MCAM: variants seen among roughly 807,000 people sequenced by gnomAD.
MCAM encodes the protein melanoma cell adhesion molecule, also known as cell surface glycoprotein MUC18.
MCAM carries 55 observed loss-of-function variants against 79.1 expected under a neutral mutation model. That is an observed-to-expected ratio of 0.70 (90% CI 0.56 to 0.87). The LOEUF (loss-of-function observed/expected upper bound fraction) is 0.87. Among genes scored for constraint, MCAM ranks in the 40% least tolerant of loss-of-function variants. The pLI, the probability that MCAM is intolerant of heterozygous loss-of-function variation, is 0.00. For missense variants in MCAM, 745 were observed against 839.8 expected, an observed-to-expected ratio of 0.89 and a Z score of 1.40; for synonymous variants, 330 against 339.8, an observed-to-expected ratio of 0.97 and a Z score of 0.32.
rs771303443 is a variant in MCAM, at chr11:119,311,649, G to A, written c.1288C>T (p.Pro430Ser). The change falls in exon 11 of 16, where the codon CCC (proline) becomes TCC (serine). Residue 430 changes from proline to serine, a missense_variant and splice_region_variant. Pro to Ser is a moderately conservative substitution (Grantham distance 74). Coordinates refer to ENST00000264036, the MANE Select transcript of MCAM (RefSeq NM_006500.3). The surrounding 1 kb of genome is among the most constrained non-coding windows in gnomAD (Gnocchi z 4.4). ...CTCTCCTTGAATGCCATCCAAGGGG[G>A]GCCTTGGGGAGGTAGGGAGAGGTGA... ...TQLVNVAIFGPPWMAFKERKV... is the reference protein window; with the variant it reads ...TQLVNVAIFGSPWMAFKERKV... The A allele has an allele frequency of 2.5e-6, 4 of 1,613,868 alleles. No homozygotes were observed. Among genetic ancestry groups the A allele is most frequent in the Non-Finnish European group, 3.4e-6 (4 of 1,179,970 alleles).
rs1950253845 is a variant in MCAM at position 119,312,768 on chromosome 11, A to T, written c.739+2T>A. On this transcript the variant is annotated splice_donor_variant, in intron 6 of 15. Transcript: ENST00000264036. LOFTEE classifies it high-confidence loss of function. The surrounding 1 kb of genome is among the most constrained non-coding windows in gnomAD (Gnocchi z 4.9). The stretch of plus-strand genomic sequence containing the variant: ...TAAGCAGAGAGTCAGGTTAGTACTC[A>T]CAGAAAACAGGGACGGTGACTTCCC... The T allele has an allele frequency of 5.6e-6, 9 of 1,613,834 alleles. No individual in the cohort carries two copies. Among genetic ancestry groups the T allele is most frequent in the African/African-American group, 1.3e-5 (1 of 74,894 alleles).
rs1415577736 is a variant in MCAM at position 119,309,502 on chromosome 11, C to T, written c.*384G>A. ...AGTGGTGCACCTGGATGGTGGAAGC[C>T]AGCCTTTGGGGCAGGAAACCAGCTC... On this transcript the variant is annotated 3_prime_UTR_variant, in exon 16 of 16. Transcript: ENST00000264036. 4.0e-5 allele frequency: 11 copies of T among 272,628 alleles called. No homozygotes were observed. The Admixed American group carries it at 4.4e-4, about 11-fold the overall frequency. The allele number at this position is 272,628 out of a possible 1,614,324, so 16.9% of individuals were successfully genotyped here. A position where few individuals can be genotyped will look rare whatever the true frequency, so the allele number is the denominator to read the frequency against.
Position 119,310,912 on chromosome 11 carries a change from CAA to C in MCAM, c.1646-11_1646-10del, listed in dbSNP as rs752501547. 1.5e-5 allele frequency: 24 copies of C among 1,614,178 alleles called. No homozygotes were observed. In the Admixed American group the frequency reaches 1.8e-4, roughly 12 times the overall value. ...CTCCGGCAGCTTTCTCTCTGCGCCA[CAA>C]AGACACTCCTCGTCACTCCCTGCCC... On this transcript the variant is annotated splice_polypyrimidine_tract_variant and intron_variant, in intron 13 of 15. Transcript: ENST00000264036.
rs1388800852 is a variant in MCAM at position 119,309,656 on chromosome 11, G to T, written c.*230C>A. 1.9e-5 allele frequency: 10 copies of T among 516,768 alleles called. No homozygotes were observed. The highest frequency in any genetic ancestry group is 3.3e-5 in the Non-Finnish European group (10 of 301,372). 32.0% of individuals were successfully genotyped at this position (516,768 alleles called of 1,614,324 possible). A position where few individuals can be genotyped will look rare whatever the true frequency, so the allele number is the denominator to read the frequency against. ...GAGACTGGGGCTCCTTGCTTGGGAT[G>T]AGCTTCACTCAACGTGGAGGAGATG... is the stretch of plus-strand genomic sequence containing the variant. On this transcript the variant is annotated 3_prime_UTR_variant, in exon 16 of 16. Coordinates refer to ENST00000264036, the MANE Select transcript of MCAM (RefSeq NM_006500.3).
rs553873505 is a variant in MCAM, at chr11:119,312,976, C to T, written c.560-27G>A. On this transcript the variant is annotated intron_variant, in intron 5 of 15. Transcript: ENST00000264036. The surrounding 1 kb of genome is among the most constrained non-coding windows in gnomAD (Gnocchi z 4.9). ...TGGGCAGGGAGGAAGGGGAGGAAGA[C>T]TCAGCCTCAGCCCCACCTCCAGCCC... 9.9e-6 allele frequency: 16 copies of T among 1,613,246 alleles called. No individual in the cohort carries two copies. The highest frequency in any genetic ancestry group is 1.2e-5 in the Non-Finnish European group (14 of 1,179,956).
Position 119,313,240 on chromosome 11 carries a change from C to CGACTACCT in MCAM, c.560-299_560-292dup, listed in dbSNP as rs983610403. 78 of 1,402,722 alleles carry CGACTACCT rather than the reference C, an allele frequency of 5.6e-5. No individual in the cohort carries two copies. The African/African-American group carries it at 1.0e-3, about 18-fold the overall frequency. The allele number at this position is 1,402,722 out of a possible 1,614,324, so 86.9% of individuals were successfully genotyped here. A position where few individuals can be genotyped will look rare whatever the true frequency, so the allele number is the denominator to read the frequency against. On this transcript the variant is annotated intron_variant, in intron 5 of 15. Transcript: ENST00000264036. ...TCCACTAAATGGGGAATGGTGAACT[C>CGACTACCT]GACTACCTGCTATGCGTAGTATGGA...
Position 119,315,209 on chromosome 11 carries a change from C to G in MCAM, c.122G>C (p.Gly41Ala), listed in dbSNP as rs1432214488. The part of the protein sequence containing the change: ...PAPELVEVEV[G>A]STALLKCGLS... ...GCCGCACTTCAGAAGGGCTGTGCTG[C>G]CCACTTCCACCTCCACCAGCTCAGG... The change falls in exon 2 of 16, where the codon GGC (glycine) becomes GCC (alanine). Residue 41 changes from glycine to alanine, a missense_variant. Physicochemically the swap from Gly to Ala is moderately conservative, Grantham distance 60. Transcript: ENST00000264036. This position sits in a 1 kb window ranked among gnomAD's most constrained non-coding sequence, Gnocchi z 4.4. 1 of 1,612,790 alleles carries G rather than the reference C, an allele frequency of 6.2e-7. No homozygotes were observed. Among genetic ancestry groups the G allele is most frequent in the Non-Finnish European group, 8.5e-7 (1 of 1,179,990 alleles).
Position 119,311,422 on chromosome 11 carries a change from C to T in MCAM, c.1408-1G>A, listed in dbSNP as rs1375739795. On this transcript the variant is annotated splice_acceptor_variant, in intron 11 of 15. Transcript: ENST00000264036. LOFTEE classifies it high-confidence loss of function. This position sits in a 1 kb window ranked among gnomAD's most constrained non-coding sequence, Gnocchi z 4.4. ...GTGGATCTTGGTCTTGTTCACTTGC[C>T]TGCGAGGAAAGGAAGGAGGCAGCTC... is the stretch of plus-strand genomic sequence containing the variant. 6.2e-7 allele frequency: 1 copy of T among 1,613,936 alleles called. No homozygotes were observed. Among genetic ancestry groups the T allele is most frequent in the Non-Finnish European group, 8.5e-7 (1 of 1,179,970 alleles).
chr11:119,312,644 C>A lies in MCAM; in HGVS notation c.744G>T (p.Pro248=). 6.2e-7 allele frequency: 1 copy of A among 1,614,146 alleles called. No homozygotes were observed. Among genetic ancestry groups the A allele is most frequent in the Non-Finnish European group, 8.5e-7 (1 of 1,180,028 alleles). ...CCACTTCCAGCCACACTTTTTCTGT[C>A]GGGTCTGCATAGGCAAAGGGGGTAG... is the stretch of plus-strand genomic sequence containing the variant. ...SREVTVPVFY[P]TEKVWLEVEP... Residue 248 remains proline (P), a synonymous_variant, in exon 7 of 16, where the codon CCG becomes CCT. Coordinates refer to ENST00000264036, the MANE Select transcript of MCAM (RefSeq NM_006500.3). The surrounding 1 kb of genome is among the most constrained non-coding windows in gnomAD (Gnocchi z 4.9).
rs374860225 is a variant in MCAM at position 119,312,301 on chromosome 11, G to C, written c.989C>G (p.Ser330Trp). ...CQGLDLDTMI[S>W]LLSEPQELLV... ...TAGTTCCTGTGGTTCACTCAGCAGC[G>C]ATATCATGGTGTCCAAGTCCAGGCC... Residue 330 changes from serine (S) to tryptophan (W), a missense_variant, in exon 8 of 16, where the codon TCG becomes TGG. Coordinates refer to ENST00000264036, the MANE Select transcript of MCAM (RefSeq NM_006500.3). This position sits in a 1 kb window ranked among gnomAD's most constrained non-coding sequence, Gnocchi z 4.9. 119 of 1,614,022 alleles carry C rather than the reference G, an allele frequency of 7.4e-5. 1 individual carries two copies. The highest frequency in any genetic ancestry group is 1.5e-4 in the Admixed American group (9 of 60,016).
chr11:119,311,264 G>T lies in MCAM; in HGVS notation c.1549+16C>A. ...GGGCCTGCCCCTGCCATCCCCTGCA[G>T]GGATGCAGCCCTCACCCAGCTCCAG... On this transcript the variant is annotated intron_variant, in intron 12 of 15. Transcript: ENST00000264036. This position sits in a 1 kb window ranked among gnomAD's most constrained non-coding sequence, Gnocchi z 4.4. The T allele has an allele frequency of 6.2e-7, 1 of 1,614,064 alleles. No individual in the cohort carries two copies. The highest frequency in any genetic ancestry group is 8.5e-7 in the Non-Finnish European group (1 of 1,179,912).
At position 119,311,987 on chromosome 11, in the gene MCAM, C is replaced by T. The variant is rs1443403262; in HGVS notation, c.1144-38G>A. On this transcript the variant is annotated intron_variant, in intron 9 of 15. Coordinates refer to ENST00000264036, the MANE Select transcript of MCAM (RefSeq NM_006500.3). This position sits in a 1 kb window ranked among gnomAD's most constrained non-coding sequence, Gnocchi z 4.4. Reference sequence around the variant, plus strand: ...ATGGGTCAGAGGGTCTGGGAAAGAGCACATTCTTGTCACCGCCAGCCCCAC... The same window carrying T: ...ATGGGTCAGAGGGTCTGGGAAAGAGTACATTCTTGTCACCGCCAGCCCCAC... 1.2e-6 allele frequency: 2 copies of T among 1,611,188 alleles called. No homozygotes were observed. Among genetic ancestry groups the T allele is most frequent in the Non-Finnish European group, 8.5e-7 (1 of 1,178,682 alleles).
At chr11:119,313,589 T>A in intron 5 of MCAM, 1 of 305,150 alleles carries the variant, frequency 3.3e-6, no homozygotes. Flanking sequence ...TCAGTAGAGA[T>A]GGGGTTTCTC....
chr11:119,313,048 C>T (rs1472624352), intron 5 of MCAM, 99 bp from the exon 6 acceptor site: 3 of 1,580,036 alleles, frequency 1.9e-6, no homozygotes, highest in East Asian at 2.3e-5. Flanking sequence ...ATCTAAATAG[C>T]CCCCTGTCCC....
At position 119,310,335 on chromosome 11, in the gene MCAM, G is replaced by A; in HGVS notation, c.1911+14C>T. 6.4e-7 allele frequency: 1 copy of A among 1,569,664 alleles called. No homozygotes were observed. Among genetic ancestry groups the A allele is most frequent in the Non-Finnish European group, 8.8e-7 (1 of 1,140,306 alleles). ...AGGATGTGGCAGGCTCTGGCCACAG[G>A]AACCGCCTCCTACCTGGTCTCCCGG... On this transcript the variant is annotated intron_variant, in intron 15 of 15. Coordinates refer to ENST00000264036, the MANE Select transcript of MCAM (RefSeq NM_006500.3).
rs369646764 is a variant in MCAM at position 119,312,212 on chromosome 11, C to G, written c.1025-42G>C. ...CATGTCACCCAGGGCAGGGTGGGGCCAGTTCCCTATTGCCCCAGCCTGGTC... is the reference window on the plus strand; with the variant it reads ...CATGTCACCCAGGGCAGGGTGGGGCGAGTTCCCTATTGCCCCAGCCTGGTC... On this transcript the variant is annotated intron_variant, in intron 8 of 15. Transcript: ENST00000264036. This position sits in a 1 kb window ranked among gnomAD's most constrained non-coding sequence, Gnocchi z 4.9. 199 of 1,610,980 alleles carry G rather than the reference C, an allele frequency of 1.2e-4. No individual in the cohort carries two copies. The highest frequency in any genetic ancestry group is 9.9e-4 in the Middle Eastern group (6 of 6,056).
In MCAM at chr11:119,315,848, C is replaced by T. The variant is rs139641787; in HGVS notation, c.68-585G>A. ...CTGGTAAGGATGGAGAGGTCAGAGT[C>T]TCCCCCAGGGGTCAGGGCAAGGGCC... On this transcript the variant is annotated intron_variant, in intron 1 of 15. Coordinates refer to ENST00000264036, the MANE Select transcript of MCAM (RefSeq NM_006500.3). The surrounding 1 kb of genome is among the most constrained non-coding windows in gnomAD (Gnocchi z 4.4). 5.7e-4 allele frequency: 91 copies of T among 159,520 alleles called. 3 individuals are homozygous for T. The East Asian group carries it at 0.013, about 23-fold the overall frequency. The allele number at this position is 159,520 out of a possible 1,614,324, so 9.9% of individuals were successfully genotyped here.
Position 119,309,780 on chromosome 11 carries a change from G to A in MCAM, c.*106C>T. 8.3e-7 allele frequency: 1 copy of A among 1,198,500 alleles called. No individual in the cohort carries two copies. The highest frequency in any genetic ancestry group is 1.2e-6 in the Non-Finnish European group (1 of 827,618). The allele number at this position is 1,198,500 out of a possible 1,614,324, so 74.2% of individuals were successfully genotyped here. On this transcript the variant is annotated 3_prime_UTR_variant, in exon 16 of 16. Coordinates refer to ENST00000264036, the MANE Select transcript of MCAM (RefSeq NM_006500.3). ...CTGAAAGGGGGTGTGCAGGCGAGGG[G>A]AGCAGGAGGCTTCTCTCTAGTCCCT...
Position 119,310,362 on chromosome 11 carries a change from GC to G in MCAM, c.1897del (p.Ala633LeufsTer12). On this transcript the variant is annotated frameshift_variant, in exon 15 of 16. Transcript: ENST00000264036. LOFTEE classifies it high-confidence loss of function. Reference sequence around the variant, plus strand: ...ACCGCCTCCTACCTGGTCTCCCGGAGCCCTCTTGTCACCGCTGCTGCCCTGC... The same window carrying G: ...ACCGCCTCCTACCTGGTCTCCCGGAGCCTCTTGTCACCGCTGCTGCCCTGC... ...LLQGSSGDKRAPGDQGEKYID... is the reference protein window; with the variant it reads ...LLQGSSGDKRXPGDQGEKYID... 6.2e-7 allele frequency: 1 copy of G among 1,612,562 alleles called. No individual in the cohort carries two copies. Among genetic ancestry groups the G allele is most frequent in the Non-Finnish European group, 8.5e-7 (1 of 1,178,704 alleles).
Sources: gnomAD v4.1 joint callset for allele counts on GRCh38, gnomAD v4.1.1 for gene constraint, Gnocchi (gnomAD v3.1) non-coding constraint, MANE v1.5 for transcripts, NCBI Gene and HGNC (gene_info 2026-07-23, HGNC 2026-07-21) for gene names.